Variants in TMBIM1 observed in about 807,000 individuals in gnomAD.
TMBIM1 encodes the protein protein lifeguard 3.
Under a neutral mutation model 45.1 loss-of-function variants are expected in TMBIM1, and 34 were observed. The observed-to-expected ratio is 0.75, with a 90% CI of 0.57 to 1.00. The LOEUF (loss-of-function observed/expected upper bound fraction) is 1.00. TMBIM1 is among the 50% of genes least tolerant of loss of function. The pLI is 0.00. For synonymous variants in TMBIM1, 157 were observed against 153.5 expected (o/e 1.02, Z -0.17); for missense variants, 374 against 402.4 (o/e 0.93, Z 0.60).
Position 218,277,055 on chromosome 2 carries a change from A to C in TMBIM1, c.684T>G (p.Ile228Met). ...SCTGLFCVLG[I>M]VLLVTGIVTS... The stretch of plus-strand genomic sequence containing the variant: ...TGACAATCCCAGTCACCAGGAGCAC[A>C]ATTCCCAGGACACAGAAGAGGCCTG... Residue 228 changes from isoleucine (I) to methionine (M), a missense_variant, in exon 10 of 12, where the codon ATT becomes ATG. Transcript: ENST00000258412. 2 of 1,614,180 alleles carry C rather than the reference A, an allele frequency of 1.2e-6. No homozygotes were observed. The highest frequency in any genetic ancestry group is 1.7e-6 in the Non-Finnish European group (2 of 1,180,012).
chr2:218,288,515 G>T (rs768801618), intron 1 of TMBIM1, among the ~76,000 whole-genome samples: 4 of 152,166 alleles, frequency 2.6e-5, no homozygotes, highest in Non-Finnish European at 5.9e-5. Context: ...TATAACTAAG[G>T]AAGTACAGGT....
chr2:218,278,640 T>C, intron 5 of TMBIM1, 75 bp from the exon 6 acceptor site: 1 of 1,537,192 alleles, frequency 6.5e-7, no homozygotes, highest in Non-Finnish European at 9.0e-7. Flanking sequence ...GGCCAGTGAT[T>C]TGGGGCCCAA....
rs10675061 is a variant in TMBIM1, at chr2:218,289,625, GAAAAAAA to G, written c.-41+2834_-41+2840del. Among the ~76,000 whole-genome samples, 21 of 87,768 alleles carry G rather than the reference GAAAAAAA, an allele frequency of 2.4e-4. No homozygotes were observed. In the South Asian group the frequency reaches 8.5e-3, roughly 36 times the overall value. 57.6% of individuals were successfully genotyped at this position (87,768 alleles called of 152,430 possible). On this transcript the variant is annotated intron_variant, in intron 1 of 11. Transcript: ENST00000258412. ...CCACTGCACTCCAGCCTGGGCGACA[GAAAAAAA>G]AAAAAAAAAAAAAACTGAAAGATCA...
In TMBIM1 at chr2:218,275,280, C is replaced by G; in HGVS notation, c.*195G>C. 1 of 613,452 alleles carries G rather than the reference C, an allele frequency of 1.6e-6. No homozygotes were observed. The allele number at this position is 613,452 out of a possible 1,614,324, so 38.0% of individuals were successfully genotyped here. ...AGCCCACCAAGAGCAACAGTTAGTC[C>G]CTAGCTCCTCCGTCCCCACCAAGTA... On this transcript the variant is annotated 3_prime_UTR_variant, in exon 12 of 12. Coordinates refer to ENST00000258412, the MANE Select transcript of TMBIM1 (RefSeq NM_022152.6).
chr2:218,283,365 A>C (rs1454365807), intron 1 of TMBIM1, among the ~76,000 whole-genome samples: 1 of 152,200 alleles, frequency 6.6e-6, no homozygotes, highest in East Asian at 1.9e-4. Flanking sequence ...CCTTCATGTT[A>C]TGCGGTGCTC....
Position 218,281,951 on chromosome 2 carries a change from G to A in TMBIM1, c.191C>T (p.Pro64Leu). 6.3e-7 allele frequency: 1 copy of A among 1,598,220 alleles called. No individual in the cohort carries two copies. The highest frequency in any genetic ancestry group is 8.5e-7 in the Non-Finnish European group (1 of 1,173,466). The change falls in exon 2 of 12, where the codon CCC becomes CTC. Residue 64 changes from proline to leucine, a missense_variant. Transcript: ENST00000258412. Reference sequence around the variant, plus strand: ...CTTCCAGGACTCACCGTAGTTCATGGGCATCGGGTGGGTGGGGGGCATGGG... The same window carrying A: ...CTTCCAGGACTCACCGTAGTTCATGAGCATCGGGTGGGTGGGGGGCATGGG... ...PQPMPPTHPM[P>L]MNYGPGHGYD...
intron 7 of TMBIM1, 126 bp from the exon 8 acceptor site, chr2:218,277,796 AGAG>A (rs1691389508): frequency 1.3e-6 from 2 of 1,539,578 alleles, no homozygotes; most frequent in East Asian, 2.3e-5. Context: ...AGGCAGCCAC[AGAG>A]GAGATCAGAA....
chr2:218,286,378 C>A (rs1009776678), intron 1 of TMBIM1: 1 of 151,958 alleles, frequency 6.6e-6, no homozygotes, highest in Non-Finnish European at 1.5e-5. Flanking sequence ...GGAGCAAGCC[C>A]CTTGTCTGCA....
chr2:218,285,381 C>T (rs1305198912), intron 1 of TMBIM1, among the ~76,000 whole-genome samples: 1 of 152,222 alleles, frequency 6.6e-6, no homozygotes, highest in Non-Finnish European at 1.5e-5. Flanking sequence ...CCAACCTTCT[C>T]ATCACTTCTG....
intron 5 of TMBIM1, among the ~76,000 whole-genome samples, 154 bp from the exon 6 acceptor site, chr2:218,278,719 G>A (rs942430558): frequency 6.6e-6 from 1 of 152,190 alleles, no homozygotes; most frequent in African/African-American, 2.4e-5. Context: ...CCCAGCCAGG[G>A]TCACTGAGAT....
At chr2:218,285,606 C>CTA (rs1160870513) in intron 1 of TMBIM1, among the ~76,000 whole-genome samples, 1 of 152,270 alleles carries the variant, frequency 6.6e-6, no homozygotes, top group Non-Finnish European at 1.5e-5. Context: ...ACTTTACCAA[C>CTA]TAGACAGCCA....
At chr2:218,282,425 A>T (rs1428785470) in intron 1 of TMBIM1, among the ~76,000 whole-genome samples, 1 of 152,226 alleles carries the variant, frequency 6.6e-6, no homozygotes, top group African/African-American at 2.4e-5. Flanking sequence ...CCCCAGCCAT[A>T]GGAAAGCAGG....
chr2:218,287,998 AG>A (rs1446810671), intron 1 of TMBIM1, among the ~76,000 whole-genome samples: 1 of 152,258 alleles, frequency 6.6e-6, no homozygotes, highest in African/African-American at 2.4e-5. Flanking sequence ...AGCCATTAGC[AG>A]GCTGATGCTA....
chr2:218,276,480 C>T (rs1559500094), intron 10 of TMBIM1, among the ~76,000 whole-genome samples: 1 of 152,108 alleles, frequency 6.6e-6, no homozygotes, highest in Middle Eastern at 3.2e-3. Flanking sequence ...TATCAAAATC[C>T]GGGAGCACCC....
intron 1 of TMBIM1, among the ~76,000 whole-genome samples, chr2:218,289,082 C>T (rs1692743314): frequency 6.6e-6 from 1 of 152,184 alleles, no homozygotes; most frequent in Non-Finnish European, 1.5e-5. Context: ...AGTAGAAGCC[C>T]CTGAGGCATC....
chr2:218,282,231 C>T, intron 1 of TMBIM1, 50 bp from the exon 2 acceptor site: 1 of 1,136,930 alleles, frequency 8.8e-7, no homozygotes, highest in Non-Finnish European at 1.2e-6. Context: ...GCCCAGCTCA[C>T]TCAGCCTCAT....
chr2:218,282,770 C>T (rs1044077661), intron 1 of TMBIM1, among the ~76,000 whole-genome samples: 1 of 152,150 alleles, frequency 6.6e-6, no homozygotes, highest in Non-Finnish European at 1.5e-5. Flanking sequence ...TCCAGGGACC[C>T]GGGGGCCAGT....
intron 1 of TMBIM1, chr2:218,287,332 G>A (rs1185983240): frequency 6.6e-6 from 1 of 152,050 alleles, no homozygotes; most frequent in Non-Finnish European, 1.5e-5. Context: ...CTGAGTGATA[G>A]ACACCAGCAC....
intron 1 of TMBIM1, among the ~76,000 whole-genome samples, chr2:218,291,073 G>A (rs1692899142): frequency 6.6e-6 from 1 of 152,174 alleles, no homozygotes; most frequent in Admixed American, 6.5e-5. Context: ...ACAGCGTCTG[G>A]CTGAGGCACC....
Sources: allele counts gnomAD v4.1 joint callset (sites outside exome capture counted in the v4.1 genomes callset), GRCh38; gene constraint gnomAD v4.1.1; transcripts MANE v1.5; gene names NCBI Gene and HGNC (gene_info 2026-07-23, HGNC 2026-07-21).